Variants in TRIM14 observed in about 807,000 individuals in gnomAD.
TRIM14 encodes tripartite motif containing 14, also known as tripartite motif-containing protein 14.
TRIM14 carries 28 observed loss-of-function variants against 44.5 expected under a neutral mutation model. The observed-to-expected ratio is 0.63, with a 90% CI of 0.47 to 0.86. The LOEUF (loss-of-function observed/expected upper bound fraction) is 0.86, where lower values mean the gene tolerates loss of function less well. Among genes scored for constraint, TRIM14 ranks in the 40% least tolerant of loss-of-function variants. The probability of loss-of-function intolerance (pLI) is 0.00; values close to 1 mark genes in which losing one functional copy is unlikely to be tolerated. For missense variants in TRIM14, 607 were observed against 611.1 expected (o/e 0.99, Z 0.07); for synonymous variants, 299 against 269.2 (o/e 1.11, Z -1.08).
chr9:98,078,129 G>T, intron 6 of TRIM14: 1 of 1,604,524 alleles, frequency 6.2e-7, no homozygotes, highest in Non-Finnish European at 8.5e-7. Flanking sequence ...CAGTTGGGAT[G>T]TGTTGGGGAG....
chr9:98,112,419 C>G (rs1406935672), intron 1 of TRIM14, among the ~76,000 whole-genome samples: 1 of 152,040 alleles, frequency 6.6e-6, no homozygotes, highest in Non-Finnish European at 1.5e-5. Context: ...AAGTATAGGA[C>G]AAAACTGAAG....
chr9:98,061,015 CTGTCATT>C, the TRIM14 span: 1 of 1,611,304 alleles, frequency 6.2e-7, no homozygotes, highest in South Asian at 1.1e-5. Context: ...CTCTGCTGCT[CTGTCATT>C]TGTCACTTTA....
chr9:98,109,556 G>A (rs1302560343), intron 2 of TRIM14, among the ~76,000 whole-genome samples: 4 of 152,142 alleles, frequency 2.6e-5, no homozygotes, highest in Non-Finnish European at 4.4e-5. Flanking sequence ...TCCTTAAGCT[G>A]TGTTTTGCTT....
intron 3 of TRIM14, among the ~76,000 whole-genome samples, chr9:98,097,991 G>A (rs916209226): frequency 3.3e-5 from 5 of 152,198 alleles, no homozygotes; most frequent in African/African-American, 1.2e-4. Flanking sequence ...TGAACCGACT[G>A]AGGCCACATA....
chr9:98,050,876 C>T, the TRIM14 span, among the ~76,000 whole-genome samples: 1 of 152,066 alleles, frequency 6.6e-6, no homozygotes, highest in East Asian at 1.9e-4. Flanking sequence ...TGGGTTTAAG[C>T]GATTCTCATG....
At chr9:98,042,900 T>C in the TRIM14 span, among the ~76,000 whole-genome samples, 52,486 of 151,810 alleles carry the variant, frequency 0.35, 10,381 homozygotes, top group African/African-American at 0.54. Flanking sequence ...ACTTAAGTCA[T>C]GCAATCTTGA....
chr9:98,109,697 G>A (rs1186142934), intron 2 of TRIM14, among the ~76,000 whole-genome samples, 192 bp downstream of exon 2: 1 of 152,108 alleles, frequency 6.6e-6, no homozygotes, highest in Admixed American at 6.5e-5. Flanking sequence ...GCCCCTTCAT[G>A]GTCTTGCACC....
chr9:98,041,212 T>C, the TRIM14 span, among the ~76,000 whole-genome samples: 1 of 152,150 alleles, frequency 6.6e-6, no homozygotes, highest in Non-Finnish European at 1.5e-5. Flanking sequence ...AAGCATTAGT[T>C]TGGGGACTTG....
chr9:98,061,791 A>G, the TRIM14 span, among the ~76,000 whole-genome samples: 1 of 151,400 alleles, frequency 6.6e-6, no homozygotes, highest in African/African-American at 2.4e-5. Context: ...AAAAAAAAAA[A>G]ATTAATAATA....
At chr9:98,058,380 G>A in the TRIM14 span, among the ~76,000 whole-genome samples, 8 of 152,230 alleles carry the variant, frequency 5.3e-5, no homozygotes, top group Admixed American at 2.0e-4. Flanking sequence ...ACAACCCAAT[G>A]CCATGATGCT....
downstream of TRIM14, among the ~76,000 whole-genome samples, chr9:98,079,685 C>T (rs41382249): frequency 4.4e-3 from 674 of 152,324 alleles, 2 homozygotes; most frequent in African/African-American, 0.015. Flanking sequence ...GTTTAGTAGA[C>T]GTGACCCCAG....
intron 6 of TRIM14, among the ~76,000 whole-genome samples, chr9:98,074,143 C>G (rs561212086): frequency 1.3e-5 from 2 of 152,282 alleles, no homozygotes; most frequent in Admixed American, 6.5e-5. Flanking sequence ...TGGAACTCAG[C>G]TAAGTTGATT....
chr9:98,073,924 C>T (rs566921348), intron 6 of TRIM14, among the ~76,000 whole-genome samples: 5 of 152,188 alleles, frequency 3.3e-5, no homozygotes, highest in Admixed American at 2.6e-4. Flanking sequence ...GTAGCTGGGA[C>T]TGCAGGCACA....
chr9:98,051,139 T>C, the TRIM14 span, among the ~76,000 whole-genome samples: 1 of 152,196 alleles, frequency 6.6e-6, no homozygotes, highest in Non-Finnish European at 1.5e-5. Flanking sequence ...ATTCTAAAGA[T>C]GGCTGTGTGC....
At chr9:98,077,624 A>G (rs1217572952) in intron 6 of TRIM14, among the ~76,000 whole-genome samples, 2 of 152,200 alleles carry the variant, frequency 1.3e-5, no homozygotes, top group Non-Finnish European at 2.9e-5. Flanking sequence ...AGGCTGAGGT[A>G]GGAGGATTGC....
chr9:98,056,685 G>A, the TRIM14 span: 8 of 1,414,518 alleles, frequency 5.7e-6, no homozygotes, highest in South Asian at 9.4e-5. Context: ...CCCGGCGACC[G>A]CGGGCTGACG....
chr9:98,100,010 T>C lies in TRIM14; in HGVS notation c.458A>G (p.Glu153Gly). Residue 153 changes from glutamate to glycine, a missense_variant, in exon 3 of 6, where the codon GAG becomes GGG. Physicochemically the swap from Glu to Gly is moderately conservative, Grantham distance 98. Transcript: ENST00000341469. Reference sequence around the variant, plus strand: ...GAGATCATTCATGATGTCAAGTTGCTCTCTGCAAGAGTCAGCTTGTTCCCT... The same window carrying C: ...GAGATCATTCATGATGTCAAGTTGCCCTCTGCAAGAGTCAGCTTGTTCCCT... ...VYREQADSCREQLDIMNDLSN... is the reference protein window; with the variant it reads ...VYREQADSCRGQLDIMNDLSN... 1 of 1,614,168 alleles carries C rather than the reference T, an allele frequency of 6.2e-7. No homozygotes were observed.
chr9:98,087,106 C>G lies in TRIM14; in HGVS notation c.*364G>C. 2 of 486,886 alleles carry G rather than the reference C, an allele frequency of 4.1e-6. No individual in the cohort carries two copies. The highest frequency in any genetic ancestry group is 4.0e-6 in the Non-Finnish European group (1 of 248,532). 30.2% of individuals were successfully genotyped at this position (486,886 alleles called of 1,614,324 possible). A position where few individuals can be genotyped will look rare whatever the true frequency, so the allele number is the denominator to read the frequency against. ...CGTTTACTGTGTGCCTACTATGTGT[C>G]AGGTTCCTGTGCTGTACGAGGGAGA... On this transcript the variant is annotated 3_prime_UTR_variant, in exon 6 of 6. Coordinates refer to ENST00000341469, the MANE Select transcript of TRIM14 (RefSeq NM_014788.4).
At chr9:98,117,803 CAGTAGGT>C (rs1026931687) in intron 1 of TRIM14, among the ~76,000 whole-genome samples, 2 of 152,118 alleles carry the variant, frequency 1.3e-5, no homozygotes, top group African/African-American at 4.8e-5. Flanking sequence ...TTCAAGTTGA[CAGTAGGT>C]AGTGGGTAGG....
Sources: gnomAD v4.1 joint callset for allele counts (sites outside exome capture counted in the v4.1 genomes callset) on GRCh38, gnomAD v4.1.1 for gene constraint, MANE v1.5 for transcripts, NCBI Gene and HGNC (gene_info 2026-07-23, HGNC 2026-07-21) for gene names.